SMAD3: variants seen among roughly 807,000 people sequenced by gnomAD.
The protein encoded by SMAD3 is MAD homolog 3.
In SMAD3, 12 loss-of-function variants were observed where a neutral mutation model predicts 51.8. The observed-to-expected ratio is 0.23, with a 90% confidence interval of 0.15 to 0.38. SMAD3 has a LOEUF of 0.38. SMAD3 is among the 10% of genes least tolerant of loss of function. The probability of loss-of-function intolerance (pLI) is 1.00; values close to 1 mark genes in which losing one functional copy is unlikely to be tolerated. For missense variants in SMAD3, 294 were observed against 565.6 expected, an observed-to-expected ratio of 0.52 and a Z score of 4.87; for synonymous variants, 238 against 227.7, an observed-to-expected ratio of 1.05 and a Z score of -0.41.
At position 67,165,022 on chromosome 15, in the gene SMAD3, G is replaced by A. The variant is rs770798158; in HGVS notation, c.334G>A (p.Ala112Thr). The change falls in exon 2 of 9, where the codon GCC becomes ACC. Residue 112 changes from alanine (A) to threonine (T), a missense_variant. This residue lies in a region of SMAD3 where 147 missense variants were observed against 260.9 expected (regional missense o/e 0.56). Transcript: ENST00000327367. ...ACGGGCCATGGAGCTGTGTGAGTTC[G>A]CCTTCAATATGAAGAAGGACGAGGT... is the stretch of plus-strand genomic sequence containing the variant. Reference protein sequence around the residue: ...ELRAMELCEFAFNMKKDEVCV... With the variant: ...ELRAMELCEFTFNMKKDEVCV... The A allele has an allele frequency of 6.8e-6, 11 of 1,614,132 alleles. No individual in the cohort carries two copies. Among genetic ancestry groups the A allele is most frequent in the South Asian group, 4.4e-5 (4 of 91,084 alleles).
intron 1 of SMAD3, among the ~76,000 whole-genome samples, chr15:67,163,530 G>A (rs1214092662): frequency 6.6e-6 from 1 of 152,120 alleles, no homozygotes; most frequent in East Asian, 1.9e-4. Flanking sequence ...GCCGCCCCAA[G>A]CTCCCCAGTC....
intron 1 of SMAD3, among the ~76,000 whole-genome samples, chr15:67,070,765 TG>T (rs1240000909): frequency 1.3e-5 from 2 of 151,850 alleles, no homozygotes; most frequent in East Asian, 3.9e-4. Context: ...GACAGGCATC[TG>T]TTTTTTTCTG....
chr15:67,082,192 G>C (rs1055671024), intron 1 of SMAD3, among the ~76,000 whole-genome samples: 1 of 152,026 alleles, frequency 6.6e-6, no homozygotes, highest in African/African-American at 2.4e-5. Context: ...GTGGCAGTCT[G>C]GTAGCTTTGG....
intron 1 of SMAD3, among the ~76,000 whole-genome samples, chr15:67,102,267 T>TGTGTGTGCGCGGTGTGTGTGTGTGTGC: frequency 7.6e-6 from 1 of 131,962 alleles, no homozygotes; most frequent in East Asian, 2.1e-4. Flanking sequence ...TGTGTGTGTG[T>TGTGTGTGCGCGGTGTGTGTGTGTGTGC]GCGGTGTGTG....
At chr15:67,188,616 CCT>C (rs1963284836) in intron 8 of SMAD3, among the ~76,000 whole-genome samples, 2 of 152,262 alleles carry the variant, frequency 1.3e-5, no homozygotes, top group African/African-American at 4.8e-5. Context: ...CACACTCCCC[CCT>C]GCCAGCCGCC....
intron 8 of SMAD3, among the ~76,000 whole-genome samples, chr15:67,189,096 G>A (rs1335624679): frequency 6.6e-6 from 1 of 152,172 alleles, no homozygotes; most frequent in Non-Finnish European, 1.5e-5. Flanking sequence ...TTTTAGCCCT[G>A]GCTTAGCTCA....
chr15:67,071,978 T>G (rs866143085), intron 1 of SMAD3, among the ~76,000 whole-genome samples: 2 of 152,166 alleles, frequency 1.3e-5, no homozygotes, highest in South Asian at 4.1e-4. Flanking sequence ...AGTGGTATAT[T>G]TTTTAAAAAG....
At chr15:67,080,283 C>T (rs906056052) in intron 1 of SMAD3, among the ~76,000 whole-genome samples, 16 of 152,142 alleles carry the variant, frequency 1.1e-4, no homozygotes, top group African/African-American at 3.4e-4. Flanking sequence ...TAAAACTGGA[C>T]GAGATGTTGA....
At chr15:67,188,529 G>T (rs1052028628) in intron 8 of SMAD3, among the ~76,000 whole-genome samples, 2 of 152,182 alleles carry the variant, frequency 1.3e-5, no homozygotes, top group African/African-American at 2.4e-5. Flanking sequence ...TGGGTTTAGA[G>T]AATCCAGTCC....
Position 67,182,618 on chromosome 15 carries a change from A to G in SMAD3, c.871+1165A>G, listed in dbSNP as rs546351631. 5.3e-5 allele frequency among the ~76,000 whole-genome samples: 8 copies of G among 152,122 alleles called. No homozygotes were observed. In the East Asian group the frequency reaches 1.4e-3, roughly 26 times the overall value. ...GAAGAGAGGATTGATTCTGTAGTGAAGAGAAGAAAAGTTTGGAGGCCATGG... is the reference window on the plus strand; with the variant it reads ...GAAGAGAGGATTGATTCTGTAGTGAGGAGAAGAAAAGTTTGGAGGCCATGG... On this transcript the variant is annotated intron_variant, in intron 6 of 8. Transcript: ENST00000327367.
chr15:67,127,367 G>C (rs997230812), intron 1 of SMAD3, among the ~76,000 whole-genome samples: 1 of 152,186 alleles, frequency 6.6e-6, no homozygotes, highest in African/African-American at 2.4e-5. Context: ...CTAGCCATCA[G>C]AACGTCCTCC....
At chr15:67,104,019 G>A (rs1179415497) in intron 1 of SMAD3, among the ~76,000 whole-genome samples, 2 of 152,148 alleles carry the variant, frequency 1.3e-5, no homozygotes, top group African/African-American at 4.8e-5. Context: ...AAAGGGGTGC[G>A]TAGCCGAGAA....
chr15:67,129,739 G>A (rs2414936), intron 1 of SMAD3, among the ~76,000 whole-genome samples: 103,629 of 152,120 alleles, frequency 0.68, 35,376 homozygotes, highest in African/African-American at 0.73. Context: ...TTAATACAGT[G>A]TATCCCAAAC....
chr15:67,177,597 A>G (rs1257817969), intron 5 of SMAD3, among the ~76,000 whole-genome samples: 1 of 151,522 alleles, frequency 6.6e-6, no homozygotes, highest in East Asian at 1.9e-4. Context: ...TAATTTTTGT[A>G]TTTTTAGTAG....
chr15:67,157,162 A>G (rs1232518873), intron 1 of SMAD3, among the ~76,000 whole-genome samples: 2 of 152,254 alleles, frequency 1.3e-5, no homozygotes, highest in Admixed American at 1.3e-4. Context: ...GTGACTAGAA[A>G]GTTCGGTATT....
chr15:67,138,222 GA>G (rs1454547837), intron 1 of SMAD3: 7 of 752,952 alleles, frequency 9.3e-6, no homozygotes, highest in Non-Finnish European at 1.6e-5. Flanking sequence ...TCTGGGTGGG[GA>G]TGTGGACTCT....
chr15:67,151,322 TTTTATTTA>T (rs143155300), intron 1 of SMAD3, among the ~76,000 whole-genome samples: 9 of 149,694 alleles, frequency 6.0e-5, no homozygotes, highest in Non-Finnish European at 7.4e-5. Flanking sequence ...CCATTTTCCC[TTTTATTTA>T]TTTATTTATT....
intron 1 of SMAD3, among the ~76,000 whole-genome samples, chr15:67,120,544 A>G (rs1181097512): frequency 6.6e-6 from 1 of 152,098 alleles, no homozygotes; most frequent in African/African-American, 2.4e-5. Flanking sequence ...TAAGACTGCT[A>G]AGTGCTGTGG....
chr15:67,164,316 GA>G (rs59880604), intron 1 of SMAD3, among the ~76,000 whole-genome samples: 244 of 83,608 alleles, frequency 2.9e-3, no homozygotes, highest in South Asian at 8.6e-3. Flanking sequence ...CTCCGTCTCA[GA>G]AAAAAAAAAA....
Sources: gnomAD v4.1 joint callset for allele counts (sites outside exome capture counted in the v4.1 genomes callset) on GRCh38, gnomAD v4.1.1 for gene constraint, gnomAD v4.1.1 regional missense constraint, MANE v1.5 for transcripts, NCBI Gene and HGNC (gene_info 2026-07-23, HGNC 2026-07-21) for gene names.